The following SEM1 variants were observed in gnomAD, a reference collection of about 807,000 sequenced individuals.
SEM1 encodes 26S proteasome complex subunit SEM1.
A neutral mutation model predicts 12.7 loss-of-function variants in SEM1; 3 were observed. The observed-to-expected ratio is 0.24, with a 90% CI of 0.11 to 0.61. The LOEUF is 0.61. SEM1 is among the 20% of genes least tolerant of loss of function. The pLI is 0.88. For synonymous variants in SEM1, 30 were observed against 27.8 expected (o/e 1.08, Z -0.25); for missense variants, 59 against 81.3 (o/e 0.73, Z 1.06).
intron 2 of SEM1, among the ~76,000 whole-genome samples, chr7:96,608,554 C>G (rs1032177106): frequency 1.4e-4 from 21 of 152,188 alleles, no homozygotes; most frequent in Non-Finnish European, 1.3e-4. Flanking sequence ...CATAAAGAAG[C>G]CTTGTACCCA....
intron 2 of SEM1, among the ~76,000 whole-genome samples, chr7:96,536,691 T>C (rs892662399): frequency 2.0e-5 from 3 of 151,850 alleles, no homozygotes; most frequent in African/African-American, 7.2e-5. Flanking sequence ...CTCATGATCT[T>C]CTTTGTTCTG....
At chr7:96,619,645 C>A (rs1435076426), downstream of SEM1, among the ~76,000 whole-genome samples, 1 of 151,878 alleles carries the variant, frequency 6.6e-6, no homozygotes, top group African/African-American at 2.4e-5. Context: ...GACCTCTGGG[C>A]AGTTGGTGTG....
intron 2 of SEM1, among the ~76,000 whole-genome samples, chr7:96,652,763 T>C (rs1809041667): frequency 1.3e-5 from 2 of 152,216 alleles, no homozygotes; most frequent in African/African-American, 2.4e-5. Flanking sequence ...GAAAAGTTAA[T>C]TGTGTGAATT....
At chr7:96,515,688 A>G (rs1268017552) in intron 2 of SEM1, among the ~76,000 whole-genome samples, 1 of 152,218 alleles carries the variant, frequency 6.6e-6, no homozygotes, top group Non-Finnish European at 1.5e-5. Context: ...ATGGAATACT[A>G]TGCAGCCATA....
intron 2 of SEM1, among the ~76,000 whole-genome samples, chr7:96,626,230 A>G (rs2116311135): frequency 6.6e-6 from 1 of 152,158 alleles, no homozygotes; most frequent in Admixed American, 6.5e-5. Flanking sequence ...CATAAGTGCA[A>G]TTGCTTTGAT....
intron 2 of SEM1, among the ~76,000 whole-genome samples, chr7:96,630,829 G>C (rs1175975089): frequency 1.3e-5 from 2 of 151,008 alleles, no homozygotes; most frequent in Non-Finnish European, 2.9e-5. Context: ...CAGGACCCAA[G>C]GACTCTTTAG....
At chr7:96,674,647 A>G (rs542233521) in intron 2 of SEM1, among the ~76,000 whole-genome samples, 9 of 152,262 alleles carry the variant, frequency 5.9e-5, no homozygotes, top group African/African-American at 2.2e-4. Context: ...AGCCTGGGCA[A>G]CAGAGCAAGA....
intron 2 of SEM1, among the ~76,000 whole-genome samples, chr7:96,584,293 GC>G (rs1037792811): frequency 1.9e-4 from 29 of 152,162 alleles, no homozygotes; most frequent in Non-Finnish European, 3.4e-4. Flanking sequence ...TTGAATATTG[GC>G]CCCCACTCTC....
Position 96,604,899 on chromosome 7 carries a change from A to T in SEM1, c.170+89899T>A, listed in dbSNP as rs199901359. 0.011 allele frequency among the ~76,000 whole-genome samples: 7 copies of T among 618 alleles called. No individual in the cohort carries two copies. In the Non-Finnish European group the frequency reaches 0.14, roughly 12 times the overall value. 0.4% of individuals were successfully genotyped at this position (618 alleles called of 152,430 possible). On this transcript the variant is annotated intron_variant and NMD_transcript_variant, in intron 2 of 3. Transcript: ENST00000466986. ...ATGCCACTGCACTCCAGCCTGGGCG[A>T]GACAGAGCAAGACTCCGTCTCAAAA... is the stretch of plus-strand genomic sequence containing the variant.
intron 3 of SEM1, among the ~76,000 whole-genome samples, chr7:96,484,543 T>C (rs1563021895): frequency 6.6e-6 from 1 of 152,150 alleles, no homozygotes; most frequent in Non-Finnish European, 1.5e-5. Flanking sequence ...TGGATTTGAA[T>C]TATCTGTGTG....
chr7:96,648,637 C>T (rs963435623), intron 2 of SEM1, among the ~76,000 whole-genome samples: 3 of 152,006 alleles, frequency 2.0e-5, no homozygotes, highest in Non-Finnish European at 4.4e-5. Flanking sequence ...CAAGAGACAC[C>T]GAATAGGTAT....
At chr7:96,507,253 C>T (rs1803782537) in intron 2 of SEM1, among the ~76,000 whole-genome samples, 1 of 151,956 alleles carries the variant, frequency 6.6e-6, no homozygotes, top group Non-Finnish European at 1.5e-5. Flanking sequence ...ATGTATATAT[C>T]CATATAGTTG....
Position 96,527,671 on chromosome 7 carries a change from C to A in SEM1, c.171-20973G>T, listed in dbSNP as rs79194449. Among the ~76,000 whole-genome samples the A allele has an allele frequency of 6.1e-3, 923 of 152,210 alleles. 12 individuals carry two copies. The highest frequency in any genetic ancestry group is 0.021 in the African/African-American group (885 of 41,540). ...TGTATTTGAATGGTGGTTTCACTAG[C>A]AAGTTTATTAATTCACATCGTTATC... On this transcript the variant is annotated intron_variant and NMD_transcript_variant, in intron 2 of 3. Transcript: ENST00000466986.
At chr7:96,672,838 C>T (rs984241090), downstream of SEM1, 1 of 152,186 alleles carries the variant, frequency 6.6e-6, no homozygotes, top group African/African-American at 2.4e-5. Flanking sequence ...CATTTTTCAG[C>T]TGTATGAGAG....
At chr7:96,602,016 C>G (rs1479069697) in intron 2 of SEM1, among the ~76,000 whole-genome samples, 1 of 152,124 alleles carries the variant, frequency 6.6e-6, no homozygotes, top group Non-Finnish European at 1.5e-5. Context: ...ATGGGGAGAG[C>G]TGTGGGTAGA....
chr7:96,553,616 A>G (rs1206231017), intron 2 of SEM1, among the ~76,000 whole-genome samples: 1 of 152,194 alleles, frequency 6.6e-6, no homozygotes, highest in African/African-American at 2.4e-5. Flanking sequence ...TATAGTTTGA[A>G]GTCGGGTAGT....
chr7:96,618,425 A>G (rs529862328), downstream of SEM1, among the ~76,000 whole-genome samples: 69 of 152,156 alleles, frequency 4.5e-4, no homozygotes, highest in African/African-American at 1.6e-3. Flanking sequence ...TATCTAGCTA[A>G]CTCTCTGACA....
chr7:96,571,593 T>A (rs183140199), intron 2 of SEM1, among the ~76,000 whole-genome samples: 7 of 150,494 alleles, frequency 4.7e-5, no homozygotes, highest in Non-Finnish European at 1.0e-4. Context: ...TACGCACATA[T>A]ATACATATAT....
intron 2 of SEM1, 124 bp from the exon 3 acceptor site, chr7:96,689,090 T>C (rs1384973346): frequency 3.7e-6 from 2 of 540,280 alleles, no homozygotes; most frequent in East Asian, 6.5e-5. Context: ...TACCACTGAA[T>C]AGTTTTACTT....
Sources: gnomAD v4.1 joint callset for allele counts (sites outside exome capture counted in the v4.1 genomes callset) on GRCh38, gnomAD v4.1.1 for gene constraint, MANE v1.5 for transcripts, NCBI Gene and HGNC (gene_info 2026-07-23, HGNC 2026-07-21) for gene names.